The following KIF3A variants were observed in gnomAD, a reference collection of about 807,000 sequenced individuals.
KIF3A encodes kinesin-like protein KIF3A.
Under a neutral mutation model 92.6 loss-of-function variants are expected in KIF3A, and 27 were observed. The ratio of observed to expected loss-of-function variants is 0.29; its 90% CI spans 0.21 to 0.40. The LOEUF (loss-of-function observed/expected upper bound fraction) is 0.40. KIF3A is among the 10% of genes least tolerant of loss of function. KIF3A has a pLI of 1.00. For synonymous variants in KIF3A, 250 were observed against 275.4 expected (o/e 0.91, Z 0.92); for missense variants, 581 against 872.6 (o/e 0.67, Z 4.21).
At chr5:132,732,454 T>G (rs1754264299) in intron 2 of KIF3A, among the ~76,000 whole-genome samples, 1 of 152,182 alleles carries the variant, frequency 6.6e-6, no homozygotes. Flanking sequence ...ATATGATATA[T>G]CTATACAATA....
intron 11 of KIF3A, among the ~76,000 whole-genome samples, chr5:132,704,295 A>G (rs1753138897): frequency 6.6e-6 from 1 of 151,960 alleles, no homozygotes; most frequent in South Asian, 2.1e-4. Flanking sequence ...TGAGCTGTCA[A>G]GATATATCAT....
chr5:132,700,718 G>A lies in KIF3A; in HGVS notation c.1885-18C>T. On this transcript the variant is annotated intron_variant, in intron 15 of 18. Coordinates refer to ENST00000403231, the MANE Select transcript of KIF3A (RefSeq NM_001300791.2). ...ATCATTTCCTTTTAAAAGGGTGAAA[G>A]ATAGCCTATTTTTAATATTTAATAA... 5.3e-6 allele frequency: 8 copies of A among 1,523,556 alleles called. No individual in the cohort carries two copies. The highest frequency in any genetic ancestry group is 7.3e-6 in the Non-Finnish European group (8 of 1,100,462). 94.4% of individuals were successfully genotyped at this position (1,523,556 alleles called of 1,614,324 possible). A position where few individuals can be genotyped will look rare whatever the true frequency, so the allele number is the denominator to read the frequency against.
At chr5:132,725,225 A>G (rs979005642) in intron 4 of KIF3A, among the ~76,000 whole-genome samples, 3 of 152,150 alleles carry the variant, frequency 2.0e-5, no homozygotes, top group Admixed American at 2.0e-4. Context: ...ATTTGTTTCT[A>G]TATTTGCTAT....
chr5:132,699,880 A>T (rs6865485), intron 17 of KIF3A, among the ~76,000 whole-genome samples: 90,063 of 151,722 alleles, frequency 0.59, 28,782 homozygotes, highest in Non-Finnish European at 0.74. Context: ...CTTCTTCTTG[A>T]CCTAGGACTA....
Position 132,696,315 on chromosome 5 carries a change from G to T in KIF3A, c.*319C>A. On this transcript the variant is annotated 3_prime_UTR_variant, in exon 19 of 19. Coordinates refer to ENST00000403231, the MANE Select transcript of KIF3A (RefSeq NM_001300791.2). ...CTAGTTACCTAAATATACAGTAGTTGGATAAATAGCTAATCGATTTACACA... is the reference window on the plus strand; with the variant it reads ...CTAGTTACCTAAATATACAGTAGTTTGATAAATAGCTAATCGATTTACACA... The T allele has an allele frequency of 5.4e-6, 1 of 184,222 alleles. No homozygotes were observed. 11.4% of individuals were successfully genotyped at this position (184,222 alleles called of 1,614,324 possible). A position where few individuals can be genotyped will look rare whatever the true frequency, so the allele number is the denominator to read the frequency against.
chr5:132,708,227 A>T (rs1753288697), intron 10 of KIF3A, among the ~76,000 whole-genome samples: 1 of 150,876 alleles, frequency 6.6e-6, no homozygotes, highest in African/African-American at 2.4e-5. Flanking sequence ...GCTTGCAGTG[A>T]GCCAAGACTG....
intron 1 of KIF3A, among the ~76,000 whole-genome samples, chr5:132,735,300 C>T (rs1754354016): frequency 6.6e-6 from 1 of 152,152 alleles, no homozygotes; most frequent in Non-Finnish European, 1.5e-5. Context: ...GTCTCGAACT[C>T]CTGACCGCAA....
chr5:132,709,012 A>G (rs1395737625), intron 9 of KIF3A, 34 bp from the exon 10 acceptor site: 1 of 1,477,412 alleles, frequency 6.8e-7, no homozygotes, highest in South Asian at 1.2e-5. Flanking sequence ...AACAGGAACC[A>G]AAGAAAGAGG....
At chr5:132,713,419 T>A (rs1157512212) in intron 8 of KIF3A, among the ~76,000 whole-genome samples, 1 of 152,226 alleles carries the variant, frequency 6.6e-6, no homozygotes, top group African/African-American at 2.4e-5. Context: ...GAACTCTCCA[T>A]ATCATGTTTG....
chr5:132,727,480 G>T (rs572647321), intron 2 of KIF3A, among the ~76,000 whole-genome samples: 48 of 152,222 alleles, frequency 3.2e-4, no homozygotes, highest in Admixed American at 1.8e-3. Context: ...GTAAGAATCA[G>T]ATAGGAACAG....
intron 15 of KIF3A, among the ~76,000 whole-genome samples, chr5:132,700,996 T>C (rs543881319): frequency 3.3e-5 from 5 of 152,072 alleles, no homozygotes; most frequent in Non-Finnish European, 7.3e-5. Flanking sequence ...TGGTTAGAAG[T>C]AGTTATTATC....
chr5:132,700,172 CA>C lies in KIF3A; in HGVS notation c.2007+43del, dbSNP rs756702385. 7.8e-6 allele frequency: 8 copies of C among 1,027,832 alleles called. No homozygotes were observed. The African/African-American group carries it at 1.3e-4, about 17-fold the overall frequency. The allele number at this position is 1,027,832 out of a possible 1,614,324, so 63.7% of individuals were successfully genotyped here. Reference sequence around the variant, plus strand: ...GACTCATATTCCTATAAAGAAACAACAGTAGTTTTGTGTTTTGTTTTGTTTT... The same window carrying C: ...GACTCATATTCCTATAAAGAAACAACGTAGTTTTGTGTTTTGTTTTGTTTT... On this transcript the variant is annotated intron_variant, in intron 17 of 18. Transcript: ENST00000403231.
At chr5:132,727,640 T>C (rs1244272789) in intron 2 of KIF3A, among the ~76,000 whole-genome samples, 1 of 152,070 alleles carries the variant, frequency 6.6e-6, no homozygotes, top group South Asian at 2.1e-4. Context: ...ATAAGGACGG[T>C]ATTAAACTTT....
At chr5:132,716,037 T>C (rs1753609569) in intron 7 of KIF3A, 106 bp from the exon 8 acceptor site, 1 of 932,018 alleles carries the variant, frequency 1.1e-6, no homozygotes, top group Non-Finnish European at 1.6e-6. Context: ...TATGCACCCT[T>C]GGCCTTCTCG....
At chr5:132,690,448 T>C (rs1752634245), downstream of KIF3A, among the ~76,000 whole-genome samples, 1 of 152,144 alleles carries the variant, frequency 6.6e-6, no homozygotes, top group Non-Finnish European at 1.5e-5. Flanking sequence ...CTAGTGTTTT[T>C]ATAGCACTGT....
In KIF3A at chr5:132,703,435, G is replaced by T. The variant is rs573557900; in HGVS notation, c.1466+28C>A. ...AGGAAAAAACAGAAATTTAAATCAT[G>T]AATTCATCTCAATTCAATAATACTC... On this transcript the variant is annotated intron_variant, in intron 12 of 18. Transcript: ENST00000403231. 3.3e-4 allele frequency: 504 copies of T among 1,535,348 alleles called. 5 individuals are homozygous for T. In the South Asian group the frequency reaches 5.6e-3, roughly 17 times the overall value.
At chr5:132,727,972 A>C (rs1754094155) in intron 2 of KIF3A, among the ~76,000 whole-genome samples, 1 of 152,218 alleles carries the variant, frequency 6.6e-6, no homozygotes, top group Non-Finnish European at 1.5e-5. Flanking sequence ...GAATCATACC[A>C]GAAGCCATTT....
intron 4 of KIF3A, among the ~76,000 whole-genome samples, chr5:132,722,239 C>G (rs958556117): frequency 1.3e-5 from 2 of 152,066 alleles, no homozygotes; most frequent in Admixed American, 1.3e-4. Flanking sequence ...CAACTAATAA[C>G]TGACTAGATA....
chr5:132,716,751 G>A, intron 6 of KIF3A, 94 bp downstream of exon 6: 1 of 1,344,208 alleles, frequency 7.4e-7, no homozygotes, highest in Non-Finnish European at 1.0e-6. Context: ...AAAATCATAT[G>A]TAAATCATAC....
Sources: gnomAD v4.1 joint callset for allele counts (sites outside exome capture counted in the v4.1 genomes callset) on GRCh38, gnomAD v4.1.1 for gene constraint, MANE v1.5 for transcripts, NCBI Gene and HGNC (gene_info 2026-07-23, HGNC 2026-07-21) for gene names.